The following SUFU variants were observed in gnomAD, a reference collection of about 807,000 sequenced individuals.
SUFU encodes the protein SUFU negative regulator of hedgehog signaling.
SUFU carries 7 observed loss-of-function variants against 58.9 expected under a neutral mutation model. The observed-to-expected ratio is 0.12, with a 90% CI of 0.07 to 0.22. SUFU has a LOEUF of 0.22. Among genes scored for constraint, SUFU ranks in the 10% least tolerant of loss-of-function variants. The probability of loss-of-function intolerance (pLI) is 1.00; values close to 1 mark genes in which losing one functional copy is unlikely to be tolerated. For synonymous variants in SUFU, 232 were observed against 254.8 expected (o/e 0.91, Z 0.85); for missense variants, 451 against 641.3 (o/e 0.70, Z 3.20).
intron 2 of SUFU, among the ~76,000 whole-genome samples, chr10:102,535,244 T>TG (rs890066792): frequency 6.6e-6 from 1 of 151,956 alleles, no homozygotes; most frequent in African/African-American, 2.4e-5. Context: ...CCCAACACTC[T>TG]GGGAGGCTGA....
intron 3 of SUFU, among the ~76,000 whole-genome samples, chr10:102,555,137 G>A (rs894276022): frequency 6.6e-6 from 1 of 151,916 alleles, no homozygotes; most frequent in Non-Finnish European, 1.5e-5. Context: ...ACGTGGTGGT[G>A]GGCGCCTGTG....
intron 3 of SUFU, among the ~76,000 whole-genome samples, chr10:102,567,950 T>C (rs1590037862): frequency 1.3e-5 from 2 of 152,164 alleles, no homozygotes; most frequent in African/African-American, 4.8e-5. Context: ...CAACCGGGCA[T>C]GTCTAGGTCC....
At chr10:102,594,118 C>A in intron 6 of SUFU, 53 bp downstream of exon 6, 1 of 1,557,150 alleles carries the variant, frequency 6.4e-7, no homozygotes, top group Non-Finnish European at 8.9e-7. Context: ...AGGCCTCTTC[C>A]AAATAACACT....
At chr10:102,575,403 G>T (rs1000205723) in intron 3 of SUFU, among the ~76,000 whole-genome samples, 3 of 152,156 alleles carry the variant, frequency 2.0e-5, no homozygotes, top group African/African-American at 7.2e-5. Context: ...AGGTTAAAGG[G>T]CCCCATCTGA....
chr10:102,526,339 A>G (rs1025761878), intron 2 of SUFU, among the ~76,000 whole-genome samples: 1 of 152,040 alleles, frequency 6.6e-6, no homozygotes, highest in African/African-American at 2.4e-5. Context: ...GGATCACTTG[A>G]GCCAGGAGTT....
Position 102,617,405 on chromosome 10 carries a change from G to A in SUFU, c.1273G>A (p.Ala425Thr), listed in dbSNP as rs748099523. 92 of 1,614,094 alleles carry A rather than the reference G, an allele frequency of 5.7e-5. No individual in the cohort carries two copies. The highest frequency in any genetic ancestry group is 7.6e-5 in the Non-Finnish European group (90 of 1,180,048). The change falls in exon 10 of 12, where the codon GCG becomes ACG. Residue 425 changes from alanine to threonine, a missense_variant. Coordinates refer to ENST00000369902, the MANE Select transcript of SUFU (RefSeq NM_016169.4). This position sits in a 1 kb window ranked among gnomAD's most constrained non-coding sequence, Gnocchi z 4.4. ...CTTTGCCACTGAGGAGCATCCTTAC[G>A]CGGCTCATGGACCCTGGTTACAAGT... Reference protein sequence around the residue: ...GAFATEEHPYAAHGPWLQILL... With the variant: ...GAFATEEHPYTAHGPWLQILL...
At chr10:102,515,006 A>G (rs2062448893) in intron 2 of SUFU, among the ~76,000 whole-genome samples, 1 of 152,158 alleles carries the variant, frequency 6.6e-6, no homozygotes. Context: ...CCTCACCACC[A>G]TGGGTGATCT....
chr10:102,627,160 C>T lies in SUFU; in HGVS notation c.1297-15C>T, dbSNP rs751479004. ...TTTAAAAATAATAATAAAAGCCTGC[C>T]TTGTGCCTTCACAGATTCTGTTGAC... On this transcript the variant is annotated splice_polypyrimidine_tract_variant and intron_variant, in intron 10 of 11. Transcript: ENST00000369902. The T allele has an allele frequency of 3.1e-6, 5 of 1,613,860 alleles. No homozygotes were observed. The highest frequency in any genetic ancestry group is 2.2e-5 in the East Asian group (1 of 44,904).
At chr10:102,599,601 C>T in intron 8 of SUFU, 57 bp downstream of exon 8, 1 of 1,433,250 alleles carries the variant, frequency 7.0e-7, no homozygotes, top group Non-Finnish European at 9.8e-7. Flanking sequence ...TCTGAAGGGC[C>T]TGTCCCTGTG....
chr10:102,576,379 A>T (rs997717589), intron 3 of SUFU, among the ~76,000 whole-genome samples: 8 of 151,834 alleles, frequency 5.3e-5, no homozygotes, highest in Non-Finnish European at 1.2e-4. Context: ...GCCCTTCACA[A>T]TTGGATTTTT....
chr10:102,532,977 C>T (rs1326713171), intron 2 of SUFU, among the ~76,000 whole-genome samples: 1 of 151,986 alleles, frequency 6.6e-6, no homozygotes, highest in Non-Finnish European at 1.5e-5. Flanking sequence ...GTTGGCCACC[C>T]AAGTGAAGGA....
intron 8 of SUFU, among the ~76,000 whole-genome samples, chr10:102,603,822 C>T (rs979382040): frequency 2.0e-5 from 3 of 152,172 alleles, no homozygotes; most frequent in African/African-American, 7.2e-5. Context: ...CCTCTAATTC[C>T]CATCTTGAAT....
At chr10:102,559,202 C>T (rs1008344951) in intron 3 of SUFU, among the ~76,000 whole-genome samples, 1 of 152,160 alleles carries the variant, frequency 6.6e-6, no homozygotes, top group East Asian at 1.9e-4. Context: ...TCCACAGAAC[C>T]GCCCTCATTG....
chr10:102,606,718 C>G (rs560470553), intron 8 of SUFU, among the ~76,000 whole-genome samples: 1 of 152,270 alleles, frequency 6.6e-6, no homozygotes, highest in South Asian at 2.1e-4. Flanking sequence ...TGCCTGGAAA[C>G]CCCTGAAGGT....
intron 2 of SUFU, among the ~76,000 whole-genome samples, chr10:102,510,305 G>A (rs919175159): frequency 6.6e-6 from 1 of 151,726 alleles, no homozygotes; most frequent in African/African-American, 2.4e-5. Flanking sequence ...CACCTGCCGG[G>A]TTCACGCCAT....
intron 3 of SUFU, among the ~76,000 whole-genome samples, chr10:102,550,861 C>G (rs2062905857): frequency 6.6e-6 from 1 of 151,898 alleles, no homozygotes; most frequent in African/African-American, 2.4e-5. Flanking sequence ...CCTGCCTCAG[C>G]CTCCTGTGTA....
chr10:102,586,861 C>T (rs1045166974), intron 3 of SUFU, among the ~76,000 whole-genome samples: 8 of 152,204 alleles, frequency 5.3e-5, no homozygotes, highest in African/African-American at 1.9e-4. Context: ...TAACTCCCCA[C>T]TCGCTTCTCC....
chr10:102,621,218 TTCCACGGGTGAACCCAGGCATACTTATTC>T (rs1357375892), intron 10 of SUFU, among the ~76,000 whole-genome samples: 1 of 152,206 alleles, frequency 6.6e-6, no homozygotes, highest in East Asian at 1.9e-4. Flanking sequence ...CTGTTCCTCC[TTCCACGGGTGAACCCAGGCATACTTATTC>T]TCCCTGGAGA....
intron 8 of SUFU, among the ~76,000 whole-genome samples, chr10:102,612,948 A>G (rs1385071900): frequency 1.3e-5 from 2 of 152,058 alleles, no homozygotes; most frequent in Non-Finnish European, 2.9e-5. Context: ...CTCAGGAAAC[A>G]TGGCTCAGGA....
Sources: gnomAD v4.1 joint callset for allele counts (sites outside exome capture counted in the v4.1 genomes callset) on GRCh38, gnomAD v4.1.1 for gene constraint, Gnocchi (gnomAD v3.1) non-coding constraint, MANE v1.5 for transcripts, NCBI Gene and HGNC (gene_info 2026-07-23, HGNC 2026-07-21) for gene names.